The following FRMPD1 variants were observed in gnomAD, a reference collection of about 807,000 sequenced individuals.
FRMPD1 encodes the protein FERM and PDZ domain containing 1, also known as FERM and PDZ domain-containing protein 1.
In FRMPD1, 76 loss-of-function variants were observed where a neutral mutation model predicts 117.8. The ratio of observed to expected loss-of-function variants is 0.65; its 90% CI spans 0.54 to 0.78. The LOEUF is 0.78. Among genes scored for constraint, FRMPD1 ranks in the 30% least tolerant of loss-of-function variants. FRMPD1 has a pLI of 0.00. For missense variants in FRMPD1, 1,786 were observed against 1,964.5 expected, an observed-to-expected ratio of 0.91 and a Z score of 1.72; for synonymous variants, 783 against 770.4, an observed-to-expected ratio of 1.02 and a Z score of -0.27.
At chr9:37,736,003 A>AC (rs1824105451) in intron 13 of FRMPD1, among the ~76,000 whole-genome samples, 1 of 144,362 alleles carries the variant, frequency 6.9e-6, no homozygotes, top group Non-Finnish European at 1.5e-5. Flanking sequence ...ACACCAGAGG[A>AC]TTTTTTTTTT....
chr9:37,636,640 A>T, the FRMPD1 span: 20 of 1,331,328 alleles, frequency 1.5e-5, 1 homozygote, highest in Non-Finnish European at 1.9e-5. Context: ...CCCTCCAGGG[A>T]CATCATTTGG....
the FRMPD1 span, among the ~76,000 whole-genome samples, chr9:37,615,985 T>G: frequency 6.6e-6 from 1 of 151,888 alleles, no homozygotes; most frequent in Non-Finnish European, 1.5e-5. Flanking sequence ...GCTTGTTTTT[T>G]TGTGTATTTT....
the FRMPD1 span, among the ~76,000 whole-genome samples, chr9:37,612,960 T>G: frequency 6.6e-6 from 1 of 151,924 alleles, no homozygotes; most frequent in African/African-American, 2.4e-5. Context: ...AGTAGGGAGG[T>G]AGATGTTAAC....
chr9:37,698,042 G>C (rs1226021808), intron 2 of FRMPD1, among the ~76,000 whole-genome samples: 1 of 152,168 alleles, frequency 6.6e-6, no homozygotes, highest in Non-Finnish European at 1.5e-5. Flanking sequence ...TTGAACCTGG[G>C]AGGCAGAGGT....
chr9:37,654,115 C>T (rs114068938), intron 1 of FRMPD1, among the ~76,000 whole-genome samples: 165 of 152,222 alleles, frequency 1.1e-3, no homozygotes, highest in African/African-American at 3.8e-3. Flanking sequence ...CTAGGTGCCT[C>T]GAGAATACAT....
chr9:37,637,088 C>T, the FRMPD1 span: 2 of 1,571,916 alleles, frequency 1.3e-6, no homozygotes, highest in Non-Finnish European at 1.8e-6. Flanking sequence ...GGTCCAGAAC[C>T]GTTCCTGGCC....
chr9:37,666,984 C>A (rs1821179805), intron 1 of FRMPD1, among the ~76,000 whole-genome samples: 1 of 150,600 alleles, frequency 6.6e-6, no homozygotes, highest in Non-Finnish European at 1.5e-5. Flanking sequence ...TCTTTCAGTT[C>A]ATAGCTGTGT....
At chr9:37,700,468 A>G (rs1196701512) in intron 2 of FRMPD1, among the ~76,000 whole-genome samples, 1 of 152,232 alleles carries the variant, frequency 6.6e-6, no homozygotes, top group African/African-American at 2.4e-5. Context: ...TGAACATAAT[A>G]AAGTGTTTAA....
chr9:37,732,238 C>A, intron 9 of FRMPD1, 66 bp from the exon 10 acceptor site: 1 of 1,556,364 alleles, frequency 6.4e-7, no homozygotes, highest in South Asian at 1.1e-5. Flanking sequence ...GCCTTTCACC[C>A]GAGAGAACGA....
At chr9:37,700,310 T>C (rs762734468) in intron 2 of FRMPD1, among the ~76,000 whole-genome samples, 1 of 152,230 alleles carries the variant, frequency 6.6e-6, no homozygotes, top group Non-Finnish European at 1.5e-5. Context: ...TAGAAACTGT[T>C]ACAACCACAA....
rs1310412123 is a variant in FRMPD1 at position 37,724,283 on chromosome 9, C to A, written c.575C>A (p.Thr192Asn). ...VLKLYLENGQ[T>N]KAFKFEANTT... The stretch of plus-strand genomic sequence containing the variant: ...AAGCTATACTTGGAGAATGGACAGA[C>A]CAAAGCTTTCAAGTTTGAGGCAAAC... The change falls in exon 7 of 16, where the codon ACC becomes AAC. Residue 192 changes from threonine (T) to asparagine (N), a missense_variant. Physicochemically the swap from Thr to Asn is moderately conservative, Grantham distance 65. Coordinates refer to ENST00000377765, the MANE Select transcript of FRMPD1 (RefSeq NM_014907.3). The A allele has an allele frequency of 6.2e-7, 1 of 1,601,804 alleles. No homozygotes were observed. Among genetic ancestry groups the A allele is most frequent in the Non-Finnish European group, 8.6e-7 (1 of 1,168,868 alleles).
At chr9:37,664,880 T>TG (rs1486957312) in intron 1 of FRMPD1, among the ~76,000 whole-genome samples, 2 of 152,250 alleles carry the variant, frequency 1.3e-5, no homozygotes, top group Non-Finnish European at 2.9e-5. Context: ...ATAGCTTTTG[T>TG]GGGGGGCAAT....
the FRMPD1 span, among the ~76,000 whole-genome samples, chr9:37,611,756 G>A: frequency 6.6e-6 from 1 of 152,170 alleles, no homozygotes; most frequent in Non-Finnish European, 1.5e-5. Context: ...GCTGTATTTG[G>A]AAACATTTTT....
intron 1 of FRMPD1, among the ~76,000 whole-genome samples, chr9:37,671,770 A>G (rs1190157356): frequency 6.6e-6 from 1 of 152,154 alleles, no homozygotes; most frequent in Non-Finnish European, 1.5e-5. Flanking sequence ...GTTTGAGACC[A>G]ACTTGGTCAA....
chr9:37,657,582 T>C (rs1350318158), intron 1 of FRMPD1, among the ~76,000 whole-genome samples: 1 of 152,180 alleles, frequency 6.6e-6, no homozygotes, highest in Non-Finnish European at 1.5e-5. Flanking sequence ...CTTGGCCTCT[T>C]TCTTTCTCCC....
intron 1 of FRMPD1, among the ~76,000 whole-genome samples, chr9:37,664,264 A>T (rs1821088365): frequency 1.3e-5 from 2 of 151,500 alleles, no homozygotes; most frequent in Admixed American, 6.6e-5. Context: ...TTTGGAGGGG[A>T]TGTAGGGCAT....
chr9:37,603,251 G>A, the FRMPD1 span, among the ~76,000 whole-genome samples: 1 of 152,204 alleles, frequency 6.6e-6, no homozygotes, highest in Admixed American at 6.5e-5. Flanking sequence ...TGAGGGCTTG[G>A]ATTGGCTGGT....
chr9:37,619,181 G>A, the FRMPD1 span, among the ~76,000 whole-genome samples: 4 of 152,122 alleles, frequency 2.6e-5, no homozygotes, highest in Non-Finnish European at 5.9e-5. Context: ...TTCCAAACAG[G>A]GAAAACTTGG....
chr9:37,642,771 G>A, the FRMPD1 span, among the ~76,000 whole-genome samples: 1 of 151,982 alleles, frequency 6.6e-6, no homozygotes, highest in Admixed American at 6.6e-5. Context: ...TCTTTTAATT[G>A]GTGTATTTAG....
Sources: gnomAD v4.1 joint callset for allele counts (sites outside exome capture counted in the v4.1 genomes callset) on GRCh38, gnomAD v4.1.1 for gene constraint, MANE v1.5 for transcripts, NCBI Gene and HGNC (gene_info 2026-07-23, HGNC 2026-07-21) for gene names.